Variants in NOM1 observed in about 807,000 individuals in gnomAD.
NOM1 encodes nucleolar protein with MIF4G domain 1, also known as nucleolar MIF4G domain-containing protein 1.
In NOM1, 58 loss-of-function variants were observed where a neutral mutation model predicts 73.3. The observed-to-expected ratio is 0.79, with a 90% CI of 0.64 to 0.99. NOM1 has a LOEUF of 0.99. Among genes scored for constraint, NOM1 ranks in the 50% least tolerant of loss-of-function variants. NOM1 has a pLI of 0.00. For synonymous variants in NOM1, 487 were observed against 446.8 expected (o/e 1.09, Z -1.14); for missense variants, 1,226 against 1,131.9 (o/e 1.08, Z -1.19).
At chr7:156,957,784 A>AAG (rs1804762961) in intron 3 of NOM1, among the ~76,000 whole-genome samples, 1 of 127,518 alleles carries the variant, frequency 7.8e-6, no homozygotes, top group Admixed American at 8.2e-5. Context: ...CAAAAAAAAA[A>AAG]AAAAAAAAAA....
intron 4 of NOM1, among the ~76,000 whole-genome samples, chr7:156,960,984 C>T (rs990209042): frequency 2.0e-5 from 3 of 152,016 alleles, no homozygotes; most frequent in Non-Finnish European, 4.4e-5. Context: ...CACAGGGGAC[C>T]GTGCAGGAGG....
At position 156,964,201 on chromosome 7, in the gene NOM1, G is replaced by A; in HGVS notation, c.2033+175G>A. On this transcript the variant is annotated intron_variant, in intron 7 of 10. Coordinates refer to ENST00000275820, the MANE Select transcript of NOM1 (RefSeq NM_138400.2). ...CGTGCATCTCTGGGTTAGTCGTCAT[G>A]TTCCTATTAATTTGCCTCTAGTAGT... 3 of 494,552 alleles carry A rather than the reference G, an allele frequency of 6.1e-6. No individual in the cohort carries two copies. In the South Asian group the frequency reaches 9.2e-5, roughly 15 times the overall value. 30.6% of individuals were successfully genotyped at this position (494,552 alleles called of 1,614,324 possible).
intron 9 of NOM1, among the ~76,000 whole-genome samples, chr7:156,967,544 C>T (rs190899523): frequency 4.6e-5 from 7 of 152,044 alleles, no homozygotes; most frequent in Admixed American, 4.6e-4. Context: ...TTTTTTCTTC[C>T]CCCCCCAAGA....
In NOM1 at chr7:156,966,960, G is replaced by A. The variant is rs908150657; in HGVS notation, c.2167-1G>A. The A allele has an allele frequency of 6.2e-7, 1 of 1,610,910 alleles. No individual in the cohort carries two copies. The highest frequency in any genetic ancestry group is 1.3e-5 in the African/African-American group (1 of 74,642). The stretch of plus-strand genomic sequence containing the variant: ...TTTTCTCCTTTTAACTATGATACTA[G>A]ATGACTTTCCAGTTCAGCATATGGG... On this transcript the variant is annotated splice_acceptor_variant, in intron 8 of 10. Transcript: ENST00000275820. LOFTEE classifies it high-confidence loss of function.
chr7:156,968,687 T>TTATATATATATATATA (rs6150414), intron 9 of NOM1: 4 of 132,568 alleles, frequency 3.0e-5, no homozygotes, highest in Admixed American at 7.4e-5. Context: ...GAAGTAAATT[T>TTATATATATATATATA]TATATATATA....
rs772928233 is a variant in NOM1, at chr7:156,969,749, C to T, written c.*46C>T. The T allele has an allele frequency of 3.2e-6, 5 of 1,558,164 alleles. No individual in the cohort carries two copies. Among genetic ancestry groups the T allele is most frequent in the Non-Finnish European group, 3.5e-6 (4 of 1,151,276 alleles). On this transcript the variant is annotated 3_prime_UTR_variant, in exon 11 of 11. Transcript: ENST00000275820. ...GGTGGCCCTTTGACTGTAAAATGTC[C>T]TTGGTAAACCCAAAGGCTTATTCTG... is the stretch of plus-strand genomic sequence containing the variant.
Position 156,958,146 on chromosome 7 carries a change from T to G in NOM1, c.1309-1705T>G, listed in dbSNP as rs185814639. On this transcript the variant is annotated intron_variant, in intron 3 of 10. Coordinates refer to ENST00000275820, the MANE Select transcript of NOM1 (RefSeq NM_138400.2). ...GTACTTCCCCATACACTCAAGACTG[T>G]CTGGTGGATCTCAGCCTTGCCTGCG... Among the ~76,000 whole-genome samples the G allele has an allele frequency of 2.8e-3, 425 of 149,230 alleles. 1 individual carries two copies. The highest frequency in any genetic ancestry group is 9.6e-3 in the African/African-American group (396 of 41,362).
chr7:156,953,541 C>G (rs1375516554), intron 2 of NOM1, among the ~76,000 whole-genome samples: 2 of 152,174 alleles, frequency 1.3e-5, no homozygotes, highest in African/African-American at 4.8e-5. Flanking sequence ...CCCCTTCCCC[C>G]TTGTATTGCT....
intron 3 of NOM1, among the ~76,000 whole-genome samples, chr7:156,958,235 TA>T (rs1804775499): frequency 6.6e-6 from 1 of 152,238 alleles, no homozygotes; most frequent in Admixed American, 6.5e-5. Context: ...TGAAGCTTAA[TA>T]ACCCCTGAGC....
chr7:156,965,082 C>A lies in NOM1; in HGVS notation c.2033+1056C>A, dbSNP rs548955518. 2.6e-4 allele frequency among the ~76,000 whole-genome samples: 40 copies of A among 152,360 alleles called. 1 individual carries two copies. The highest frequency in any genetic ancestry group is 2.4e-3 in the Admixed American group (37 of 15,306). On this transcript the variant is annotated intron_variant, in intron 7 of 10. Transcript: ENST00000275820. ...ATTGATAATCAATGCAGCTGAAACTCAGTTGGTTCTTTGGGCCGCCTTCGC... is the reference window on the plus strand; with the variant it reads ...ATTGATAATCAATGCAGCTGAAACTAAGTTGGTTCTTTGGGCCGCCTTCGC...
intron 9 of NOM1, among the ~76,000 whole-genome samples, chr7:156,968,564 C>G (rs1805060578): frequency 6.6e-6 from 1 of 151,996 alleles, no homozygotes; most frequent in Non-Finnish European, 1.5e-5. Context: ...TGGGTAGCAT[C>G]CTACTGTATA....
chr7:156,957,906 A>G (rs1265507937), intron 3 of NOM1, among the ~76,000 whole-genome samples: 4 of 152,196 alleles, frequency 2.6e-5, no homozygotes, highest in African/African-American at 7.2e-5. Context: ...CATGGTTGCC[A>G]TAATAGAATG....
rs572700037 is a variant in NOM1, at chr7:156,951,777, C to T, written c.988-697C>T. 1.1e-3 allele frequency among the ~76,000 whole-genome samples: 167 copies of T among 151,924 alleles called. 1 individual carries two copies. The highest frequency in any genetic ancestry group is 4.0e-3 in the African/African-American group (165 of 41,398). On this transcript the variant is annotated intron_variant, in intron 1 of 10. Coordinates refer to ENST00000275820, the MANE Select transcript of NOM1 (RefSeq NM_138400.2). ...GGCTGGAGTAGAGTGGTGCAGTCTC[C>T]GCCCACTGCAAGCTCCGCCTCCCAG...
chr7:156,959,430 C>T (rs531421290), intron 3 of NOM1, among the ~76,000 whole-genome samples: 8 of 151,788 alleles, frequency 5.3e-5, no homozygotes, highest in East Asian at 1.9e-4. Context: ...TTAGTAGAAA[C>T]GGGGTTTCAC....
rs781616191 is a variant in NOM1 at position 156,949,949 on chromosome 7, C to T, written c.212C>T (p.Pro71Leu). 9 of 1,541,928 alleles carry T rather than the reference C, an allele frequency of 5.8e-6. No individual in the cohort carries two copies. Among genetic ancestry groups the T allele is most frequent in the African/African-American group, 4.1e-5 (3 of 73,130 alleles). Residue 71 changes from proline to leucine, a missense_variant, in exon 1 of 11, where the codon CCG (proline) becomes CTG (leucine). Transcript: ENST00000275820. The part of the protein sequence containing the change: ...APGGCEGRGA[P>L]VSFRPGGRKS... ...GGGGGTTGCGAGGGGCGCGGCGCCCCGGTGAGCTTTCGCCCGGGAGGGAGA... is the reference window on the plus strand; with the variant it reads ...GGGGGTTGCGAGGGGCGCGGCGCCCTGGTGAGCTTTCGCCCGGGAGGGAGA...
chr7:156,967,516 C>T (rs1014560094), intron 9 of NOM1, among the ~76,000 whole-genome samples: 2 of 151,290 alleles, frequency 1.3e-5, no homozygotes. Flanking sequence ...TTGCAGTGGA[C>T]CATGAAACAC....
intron 1 of NOM1, among the ~76,000 whole-genome samples, chr7:156,951,116 CA>C (rs2134768036): frequency 6.6e-6 from 1 of 152,290 alleles, no homozygotes; most frequent in Non-Finnish European, 1.5e-5. Context: ...AGCTAATTTA[CA>C]GCACTCCCTT....
At position 156,972,019 on chromosome 7, in the gene NOM1, G is replaced by T. The variant is rs952236513; in HGVS notation, c.*2316G>T. On this transcript the variant is annotated 3_prime_UTR_variant, in exon 11 of 11. Transcript: ENST00000275820. ...GTGGTGATTGGGATGTAACAGATCA[G>T]TTCTACTGGACTTGTAGCTTGATAG... is the stretch of plus-strand genomic sequence containing the variant. 1 of 152,248 alleles carries T rather than the reference G, an allele frequency of 6.6e-6. No individual in the cohort carries two copies. Among genetic ancestry groups the T allele is most frequent in the Non-Finnish European group, 1.5e-5 (1 of 68,050 alleles). 9.4% of individuals were successfully genotyped at this position (152,248 alleles called of 1,614,324 possible).
At chr7:156,967,420 C>T (rs547995036) in intron 9 of NOM1, among the ~76,000 whole-genome samples, 3 of 152,320 alleles carry the variant, frequency 2.0e-5, no homozygotes, top group East Asian at 1.9e-4. Context: ...GGCCTGGTCT[C>T]CTTAGAGGTG....
Sources: gnomAD v4.1 joint callset for allele counts (sites outside exome capture counted in the v4.1 genomes callset) on GRCh38, gnomAD v4.1.1 for gene constraint, MANE v1.5 for transcripts, NCBI Gene and HGNC (gene_info 2026-07-23, HGNC 2026-07-21) for gene names.